The following AIG1 variants were observed in gnomAD, a reference collection of about 807,000 sequenced individuals.
AIG1 encodes androgen induced 1, also known as androgen-induced gene 1 protein.
In AIG1, 23 loss-of-function variants were observed where a neutral mutation model predicts 31.4. The observed-to-expected ratio is 0.73, with a 90% CI of 0.53 to 1.04. AIG1 has a LOEUF of 1.04. Among genes scored for constraint, AIG1 ranks in the 50% least tolerant of loss-of-function variants. The pLI is 0.00. For synonymous variants in AIG1, 100 were observed against 110.5 expected (o/e 0.90, Z 0.60); for missense variants, 274 against 295.0 (o/e 0.93, Z 0.52).
chr6:143,320,999 T>C (rs1375837125), intron 4 of AIG1, among the ~76,000 whole-genome samples: 1 of 151,974 alleles, frequency 6.6e-6, no homozygotes, highest in Non-Finnish European at 1.5e-5. Flanking sequence ...TTTGTATTTT[T>C]AGTAGAGATG....
At chr6:143,266,119 G>A (rs1455434573) in intron 3 of AIG1, among the ~76,000 whole-genome samples, 2 of 152,190 alleles carry the variant, frequency 1.3e-5, no homozygotes, top group Non-Finnish European at 2.9e-5. Flanking sequence ...GGAGGCCGAG[G>A]CAGGTGGATC....
chr6:143,134,431 T>C (rs1381719020), intron 1 of AIG1, among the ~76,000 whole-genome samples: 1 of 151,190 alleles, frequency 6.6e-6, no homozygotes. Context: ...CATTTTGTTG[T>C]GAAAATAAAA....
intron 4 of AIG1, among the ~76,000 whole-genome samples, chr6:143,323,288 G>A (rs941236743): frequency 6.6e-6 from 1 of 152,178 alleles, no homozygotes; most frequent in Non-Finnish European, 1.5e-5. Flanking sequence ...CTTAAACCAA[G>A]TGTGATCCCC....
rs1008975848 is a variant in AIG1, at chr6:143,188,588, G to T, written c.399+23405G>T. On this transcript the variant is annotated intron_variant, in intron 3 of 5. Transcript: ENST00000357847. ...GACAGCAGAAGATTTCAGGGTACAA[G>T]TCATCTATTCTCTTATGCCAGCTCT... 7.1e-6 allele frequency: 7 copies of T among 985,174 alleles called. No homozygotes were observed. In the East Asian group the frequency reaches 4.5e-4, roughly 64 times the overall value. The allele number at this position is 985,174 out of a possible 1,614,324, so 61.0% of individuals were successfully genotyped here.
chr6:143,107,866 T>C (rs1780941067), intron 1 of AIG1, among the ~76,000 whole-genome samples: 1 of 152,224 alleles, frequency 6.6e-6, no homozygotes, highest in East Asian at 1.9e-4. Flanking sequence ...CTGTGGTTTC[T>C]TGTGTTTCTT....
chr6:143,186,191 T>C (rs1789246581), intron 3 of AIG1, among the ~76,000 whole-genome samples: 1 of 152,238 alleles, frequency 6.6e-6, no homozygotes, highest in South Asian at 2.1e-4. Context: ...TGGAGCCTTG[T>C]AAACATCTAG....
chr6:143,134,735 A>T (rs1045263216), intron 1 of AIG1, among the ~76,000 whole-genome samples: 2 of 152,096 alleles, frequency 1.3e-5, no homozygotes, highest in Admixed American at 6.5e-5. Flanking sequence ...ATCGCATTCA[A>T]TAGAAACCAT....
chr6:143,308,133 G>A (rs1235076815), intron 4 of AIG1, among the ~76,000 whole-genome samples: 1 of 152,216 alleles, frequency 6.6e-6, no homozygotes, highest in Non-Finnish European at 1.5e-5. Flanking sequence ...ACTAGGAAAG[G>A]GAACTCCCTG....
chr6:143,284,004 G>A lies in AIG1; in HGVS notation c.400-106G>A. Reference sequence around the variant, plus strand: ...GCGAGCCATAGACTTCTTTCTGCCTGACACTTTCCTAGGAATTTATAGTGT... The same window carrying A: ...GCGAGCCATAGACTTCTTTCTGCCTAACACTTTCCTAGGAATTTATAGTGT... On this transcript the variant is annotated intron_variant, in intron 3 of 5. Transcript: ENST00000357847. This position sits in a 1 kb window ranked among gnomAD's most constrained non-coding sequence, Gnocchi z 4.4. 1.4e-6 allele frequency: 1 copy of A among 732,448 alleles called. No homozygotes were observed. 45.4% of individuals were successfully genotyped at this position (732,448 alleles called of 1,614,324 possible).
chr6:143,228,132 T>G (rs1793159223), intron 3 of AIG1, among the ~76,000 whole-genome samples: 1 of 152,180 alleles, frequency 6.6e-6, no homozygotes, highest in Non-Finnish European at 1.5e-5. Context: ...CCAGTCCCTG[T>G]GTTACCTCCA....
At chr6:143,126,416 A>G (rs989444251) in intron 1 of AIG1, 1 of 152,342 alleles carries the variant, frequency 6.6e-6, no homozygotes, top group East Asian at 1.9e-4. Context: ...GGATTCACTC[A>G]TCTGGTTTCA....
Position 143,284,029 on chromosome 6 carries a change from T to C in AIG1, c.400-81T>C. ...GACACTTTCCTAGGAATTTATAGTG[T>C]GCATTCTCCTACTGGTGAAAAAACA... On this transcript the variant is annotated intron_variant, in intron 3 of 5. Coordinates refer to ENST00000357847, the MANE Select transcript of AIG1 (RefSeq NM_016108.4). This position sits in a 1 kb window ranked among gnomAD's most constrained non-coding sequence, Gnocchi z 4.4. 1.0e-6 allele frequency: 1 copy of C among 956,804 alleles called. No individual in the cohort carries two copies. Among genetic ancestry groups the C allele is most frequent in the Non-Finnish European group, 1.6e-6 (1 of 615,602 alleles). The allele number at this position is 956,804 out of a possible 1,614,324, so 59.3% of individuals were successfully genotyped here.
intron 2 of AIG1, among the ~76,000 whole-genome samples, chr6:143,164,420 T>C (rs1263146375): frequency 1.3e-5 from 2 of 152,204 alleles, no homozygotes; most frequent in South Asian, 2.1e-4. Flanking sequence ...ATGTTGCTCT[T>C]GGGCCAAAAC....
At chr6:143,215,745 C>T (rs901585474) in intron 3 of AIG1, among the ~76,000 whole-genome samples, 1 of 152,110 alleles carries the variant, frequency 6.6e-6, no homozygotes, top group Non-Finnish European at 1.5e-5. Flanking sequence ...TCTCTGATGG[C>T]ACTATTAATC....
At chr6:143,095,908 T>C (rs1779727969) in intron 1 of AIG1, among the ~76,000 whole-genome samples, 1 of 138,324 alleles carries the variant, frequency 7.2e-6, no homozygotes, top group Non-Finnish European at 1.6e-5. Context: ...TATCTTTTTT[T>C]TTTTTTTTTT....
At chr6:143,275,129 T>C (rs1039402991) in intron 3 of AIG1, among the ~76,000 whole-genome samples, 2 of 152,210 alleles carry the variant, frequency 1.3e-5, no homozygotes, top group African/African-American at 4.8e-5. Flanking sequence ...TTGTGGAGCT[T>C]ATTAAAGTAA....
intron 1 of AIG1, among the ~76,000 whole-genome samples, chr6:143,087,035 A>G (rs1043563389): frequency 6.6e-6 from 1 of 152,224 alleles, no homozygotes; most frequent in Non-Finnish European, 1.5e-5. Context: ...GCGTTTTCCC[A>G]GGAAGCCTCA....
At chr6:143,285,433 A>G (rs1797620882) in intron 4 of AIG1, among the ~76,000 whole-genome samples, 2 of 151,232 alleles carry the variant, frequency 1.3e-5, no homozygotes, top group African/African-American at 4.9e-5. Context: ...ACGCCCAGGC[A>G]GGCAGATCAC....
At chr6:143,318,075 A>C (rs1367964471) in intron 4 of AIG1, among the ~76,000 whole-genome samples, 1 of 152,172 alleles carries the variant, frequency 6.6e-6, no homozygotes, top group Non-Finnish European at 1.5e-5. Flanking sequence ...ATACTGCCAA[A>C]AGCAATCTAT....
Sources: allele counts gnomAD v4.1 joint callset (sites outside exome capture counted in the v4.1 genomes callset), GRCh38; gene constraint gnomAD v4.1.1; non-coding constraint Gnocchi (gnomAD v3.1); transcripts MANE v1.5; gene names NCBI Gene and HGNC (gene_info 2026-07-23, HGNC 2026-07-21).